The following KIAA1328 variants were observed in gnomAD, a reference collection of about 807,000 sequenced individuals.
KIAA1328 encodes the protein protein hinderin.
A neutral mutation model predicts 68.1 loss-of-function variants in KIAA1328; 52 were observed. That is an observed-to-expected ratio of 0.76 (90% confidence interval 0.61 to 0.96). The LOEUF (loss-of-function observed/expected upper bound fraction) is 0.96, where lower values mean the gene tolerates loss of function less well. Among genes scored for constraint, KIAA1328 ranks in the 40% least tolerant of loss-of-function variants. KIAA1328 has a pLI of 0.00. For synonymous variants in KIAA1328, 232 were observed against 239.4 expected (o/e 0.97, Z 0.28); for missense variants, 641 against 677.6 (o/e 0.95, Z 0.60).
intron 7 of KIAA1328, among the ~76,000 whole-genome samples, chr18:37,103,900 A>G (rs1487565739): frequency 6.6e-6 from 1 of 152,050 alleles, no homozygotes; most frequent in Admixed American, 6.6e-5. Flanking sequence ...ACAGATGGCC[A>G]TCAGATACAT....
intron 7 of KIAA1328, among the ~76,000 whole-genome samples, chr18:37,078,255 C>G (rs992453279): frequency 6.6e-6 from 1 of 152,112 alleles, no homozygotes; most frequent in African/African-American, 2.4e-5. Context: ...ATAAATGGTG[C>G]TGGGAAAACT....
chr18:37,093,735 ATAG>A lies in KIAA1328; in HGVS notation c.1232+26194_1232+26196del, dbSNP rs1414472021. Among the ~76,000 whole-genome samples, 12 of 152,350 alleles carry A rather than the reference ATAG, an allele frequency of 7.9e-5. No homozygotes were observed. The East Asian group carries it at 2.3e-3, about 29-fold the overall frequency. On this transcript the variant is annotated intron_variant, in intron 7 of 9. Coordinates refer to ENST00000280020, the MANE Select transcript of KIAA1328 (RefSeq NM_020776.3). ...AAGTATAGAAAACTTATTTAATGAA[ATAG>A]TAGCTGAAAATGTCCCAAGTCTTAC...
intron 6 of KIAA1328, among the ~76,000 whole-genome samples, chr18:36,985,962 C>G (rs2052905444): frequency 6.6e-6 from 1 of 152,064 alleles, no homozygotes; most frequent in Non-Finnish European, 1.5e-5. Flanking sequence ...AAAGGCTTCC[C>G]CTATCAAGCA....
intron 5 of KIAA1328, chr18:36,895,917 G>A (rs2048853565): frequency 5.3e-6 from 2 of 376,316 alleles, no homozygotes; most frequent in Non-Finnish European, 5.3e-6. Context: ...AAGCCTGAAA[G>A]CCAAGAGAGC....
At chr18:37,163,949 T>G (rs2059334800) in intron 8 of KIAA1328, among the ~76,000 whole-genome samples, 1 of 152,164 alleles carries the variant, frequency 6.6e-6, no homozygotes, top group South Asian at 2.1e-4. Context: ...CCCAGATATG[T>G]AGAATAAATT....
chr18:36,834,248 G>T lies in KIAA1328; in HGVS notation c.59-72G>T, dbSNP rs565524885. Reference sequence around the variant, plus strand: ...CAAAAGAAATTATGAATTATAAGAGGTATACAGAACAGAAGCAGCATTTGG... The same window carrying T: ...CAAAAGAAATTATGAATTATAAGAGTTATACAGAACAGAAGCAGCATTTGG... On this transcript the variant is annotated intron_variant, in intron 1 of 9. Coordinates refer to ENST00000280020, the MANE Select transcript of KIAA1328 (RefSeq NM_020776.3). 12 of 1,355,840 alleles carry T rather than the reference G, an allele frequency of 8.9e-6. No homozygotes were observed. The South Asian group carries it at 2.4e-4, about 27-fold the overall frequency. The allele number at this position is 1,355,840 out of a possible 1,614,324, so 84.0% of individuals were successfully genotyped here.
chr18:37,194,643 T>C (rs2059968864), intron 9 of KIAA1328, among the ~76,000 whole-genome samples: 1 of 152,240 alleles, frequency 6.6e-6, no homozygotes, highest in Admixed American at 6.5e-5. Context: ...AATAGTTTGT[T>C]ATGGTTGCTT....
At chr18:37,117,363 A>G (rs1215472850) in intron 7 of KIAA1328, among the ~76,000 whole-genome samples, 1 of 152,176 alleles carries the variant, frequency 6.6e-6, no homozygotes, top group African/African-American at 2.4e-5. Flanking sequence ...GAAGCTAGAA[A>G]CCATCATTCT....
intron 5 of KIAA1328, chr18:36,946,631 T>G: frequency 6.6e-6 from 1 of 152,262 alleles, no homozygotes; most frequent in African/African-American, 2.4e-5. Flanking sequence ...AACCATTCTG[T>G]GCTGCAGATT....
At chr18:36,986,089 A>C (rs2052911591) in intron 6 of KIAA1328, among the ~76,000 whole-genome samples, 1 of 152,100 alleles carries the variant, frequency 6.6e-6, no homozygotes. Context: ...CTACCATATA[A>C]TCCAACCATT....
At chr18:36,953,490 T>C (rs1438715176) in intron 5 of KIAA1328, among the ~76,000 whole-genome samples, 1 of 150,578 alleles carries the variant, frequency 6.6e-6, no homozygotes, top group African/African-American at 2.4e-5. Context: ...GTAATAGAAA[T>C]TTATATAAAT....
At chr18:36,939,845 G>A (rs573950306) in intron 5 of KIAA1328, among the ~76,000 whole-genome samples, 1 of 152,134 alleles carries the variant, frequency 6.6e-6, no homozygotes, top group African/African-American at 2.4e-5. Context: ...CTATTGAGAT[G>A]ATCACCACGG....
At chr18:36,934,714 T>A (rs1258865510) in intron 5 of KIAA1328, among the ~76,000 whole-genome samples, 1 of 152,212 alleles carries the variant, frequency 6.6e-6, no homozygotes, top group Non-Finnish European at 1.5e-5. Flanking sequence ...AGTCTTTCTT[T>A]TCATATTACC....
chr18:37,066,777 C>A, intron 6 of KIAA1328, 113 bp from the exon 7 acceptor site: 2 of 1,029,570 alleles, frequency 1.9e-6, no homozygotes, highest in Non-Finnish European at 2.8e-6. Flanking sequence ...ATATTTAAGA[C>A]AAAACAACAG....
intron 6 of KIAA1328, 150 bp from the exon 7 acceptor site, chr18:37,066,740 G>A (rs1489391364): frequency 2.9e-6 from 2 of 694,660 alleles, no homozygotes; most frequent in Non-Finnish European, 4.7e-6. Flanking sequence ...GCACAAGTCT[G>A]TTTAGCTGTG....
chr18:37,084,476 G>GTTTTTTTTTTTTTT (rs1174581418), intron 7 of KIAA1328: 1 of 129,138 alleles, frequency 7.7e-6, no homozygotes, highest in Non-Finnish European at 1.5e-5. Flanking sequence ...TTTGTTTTTT[G>GTTTTTTTTTTTTTT]TTTTTTTTTT....
At chr18:37,042,914 T>C (rs1004730979) in intron 6 of KIAA1328, among the ~76,000 whole-genome samples, 3 of 152,190 alleles carry the variant, frequency 2.0e-5, no homozygotes, top group African/African-American at 7.2e-5. Flanking sequence ...CTGAGACTGT[T>C]AGTTTTTATC....
Position 37,182,187 on chromosome 18 carries a change from T to C in KIAA1328, c.1523+9106T>C, listed in dbSNP as rs2059711092. ...TAGAGTTGTTCATTTGGTCCAAGGT[T>C]ATCAAATTCCCTTAACTTCAACTTT... On this transcript the variant is annotated intron_variant, in intron 9 of 9. Transcript: ENST00000280020. Among the ~76,000 whole-genome samples, 10 of 152,326 alleles carry C rather than the reference T, an allele frequency of 6.6e-5. No homozygotes were observed. In the South Asian group the frequency reaches 2.1e-3, roughly 32 times the overall value.
chr18:37,018,755 A>G (rs2054236713), intron 6 of KIAA1328, among the ~76,000 whole-genome samples: 1 of 151,190 alleles, frequency 6.6e-6, no homozygotes, highest in Non-Finnish European at 1.5e-5. Flanking sequence ...AAATTCCTTA[A>G]GTGAGTTTTT....
Sources: gnomAD v4.1 joint callset for allele counts (sites outside exome capture counted in the v4.1 genomes callset) on GRCh38, gnomAD v4.1.1 for gene constraint, MANE v1.5 for transcripts, NCBI Gene and HGNC (gene_info 2026-07-23, HGNC 2026-07-21) for gene names.